DOCK8: variants seen among roughly 807,000 people sequenced by gnomAD.
The protein encoded by DOCK8 is dedicator of cytokinesis 8, also known as dedicator of cytokinesis protein 8.
In DOCK8, 141 loss-of-function variants were observed where a neutral mutation model predicts 245.6. That is an observed-to-expected ratio of 0.57 (90% CI 0.50 to 0.66). DOCK8 has a LOEUF of 0.66. Among genes scored for constraint, DOCK8 ranks in the 30% least tolerant of loss-of-function variants. The pLI is 0.00. For synonymous variants in DOCK8, 1,168 were observed against 970.2 expected, an observed-to-expected ratio of 1.20 and a Z score of -3.79; for missense variants, 2,965 against 2,603.4, an observed-to-expected ratio of 1.14 and a Z score of -3.02.
At chr9:363,808 G>A (rs2052846947) in intron 14 of DOCK8, among the ~76,000 whole-genome samples, 1 of 152,168 alleles carries the variant, frequency 6.6e-6, no homozygotes, top group African/African-American at 2.4e-5. Flanking sequence ...CCCTTTGGAA[G>A]CAACATGCAA....
intron 43 of DOCK8, 51 bp downstream of exon 43, chr9:443,567 C>T: frequency 7.0e-7 from 1 of 1,432,434 alleles, no homozygotes; most frequent in South Asian, 1.1e-5. Context: ...TCCCTTCGTT[C>T]TCTACCCAAG....
Position 408,861 on chromosome 9 carries a change from A to AACAC in DOCK8, c.3530+1815_3530+1818dup, listed in dbSNP as rs71314709. On this transcript the variant is annotated intron_variant, in intron 28 of 47. Transcript: ENST00000432829. ...TTTAATCAGGTAGATACATTCTTCA[A>AACAC]ACACACACACACACACACACACACA... Among the ~76,000 whole-genome samples, 449 of 147,522 alleles carry AACAC rather than the reference A, an allele frequency of 3.0e-3. 4 individuals are homozygous for AACAC. The highest frequency in any genetic ancestry group is 9.8e-3 in the Admixed American group (147 of 15,058).
intron 4 of DOCK8, among the ~76,000 whole-genome samples, chr9:299,733 C>T (rs2049443423): frequency 6.6e-6 from 1 of 151,808 alleles, no homozygotes; most frequent in African/African-American, 2.4e-5. Flanking sequence ...TGAAGATGGC[C>T]CATTATGGCC....
intron 23 of DOCK8, among the ~76,000 whole-genome samples, chr9:389,658 T>C (rs1235128690): frequency 1.3e-5 from 2 of 152,144 alleles, no homozygotes; most frequent in Non-Finnish European, 2.9e-5. Context: ...TCCCAGGCTA[T>C]TGAATCAGAA....
intron 23 of DOCK8, among the ~76,000 whole-genome samples, chr9:388,199 T>A (rs567244706): frequency 6.6e-6 from 1 of 152,186 alleles, no homozygotes; most frequent in Non-Finnish European, 1.5e-5. Context: ...AGTCCAGTTA[T>A]AATATGTGCA....
chr9:420,731 G>A, intron 31 of DOCK8, 148 bp downstream of exon 31: 1 of 1,247,120 alleles, frequency 8.0e-7, no homozygotes, highest in Non-Finnish European at 1.2e-6. Flanking sequence ...TGTAGGTATA[G>A]ATATGATCAT....
chr9:446,822 A>G (rs1564079200), intron 44 of DOCK8, among the ~76,000 whole-genome samples: 2 of 151,990 alleles, frequency 1.3e-5, no homozygotes, highest in Non-Finnish European at 1.5e-5. Flanking sequence ...AATATTTAAT[A>G]TTTTAAAGTT....
At chr9:441,538 T>C in intron 41 of DOCK8, 121 bp downstream of exon 41, 1 of 1,468,618 alleles carries the variant, frequency 6.8e-7, no homozygotes, top group Non-Finnish European at 9.3e-7. Flanking sequence ...GCTTTTGCTC[T>C]CACCTGTCAA....
intron 36 of DOCK8, 146 bp from the exon 37 acceptor site, chr9:432,020 C>T (rs2056731481): frequency 1.3e-6 from 1 of 786,590 alleles, no homozygotes; most frequent in Non-Finnish European, 2.1e-6. Flanking sequence ...AGTGTAGCTC[C>T]CATTTCATTG....
intron 14 of DOCK8, among the ~76,000 whole-genome samples, chr9:354,710 G>C (rs1438709271): frequency 6.6e-6 from 1 of 152,148 alleles, no homozygotes; most frequent in Non-Finnish European, 1.5e-5. Context: ...TTAGGCTGAG[G>C]GCGTCGGTTC....
At chr9:265,064 T>C (rs997004137) in intron 1 of DOCK8, among the ~76,000 whole-genome samples, 20 of 152,162 alleles carry the variant, frequency 1.3e-4, no homozygotes, top group Non-Finnish European at 2.5e-4. Flanking sequence ...CCCGAGTAGC[T>C]GGGATTACAT....
chr9:351,923 G>C (rs1395904507), intron 14 of DOCK8, among the ~76,000 whole-genome samples: 1 of 152,176 alleles, frequency 6.6e-6, no homozygotes, highest in Non-Finnish European at 1.5e-5. Flanking sequence ...GTGAGAATCA[G>C]GATTTGTCTA....
At chr9:409,187 G>T (rs1192914872) in intron 28 of DOCK8, among the ~76,000 whole-genome samples, 3 of 152,024 alleles carry the variant, frequency 2.0e-5, no homozygotes, top group Admixed American at 2.0e-4. Context: ...CCAGAAGGAC[G>T]CATCTCAGTA....
At chr9:358,553 A>G (rs900015239) in intron 14 of DOCK8, among the ~76,000 whole-genome samples, 1 of 152,238 alleles carries the variant, frequency 6.6e-6, no homozygotes, top group Admixed American at 6.5e-5. Context: ...CAGTTCCTTT[A>G]AAAATTACCT....
chr9:274,663 TA>T (rs1189310011), intron 2 of DOCK8, among the ~76,000 whole-genome samples: 2 of 128,660 alleles, frequency 1.6e-5, no homozygotes, highest in African/African-American at 2.9e-5. Flanking sequence ...CTTTTACCTT[TA>T]AAAAAAAATT....
At chr9:440,207 A>G (rs902181095) in intron 40 of DOCK8, among the ~76,000 whole-genome samples, 2 of 152,076 alleles carry the variant, frequency 1.3e-5, no homozygotes, top group Admixed American at 6.6e-5. Context: ...TTTAGAGGAG[A>G]CAGGATTTCA....
chr9:307,338 G>GTTTTTTTTTT (rs1165775428), intron 5 of DOCK8, among the ~76,000 whole-genome samples: 50 of 51,202 alleles, frequency 9.8e-4, no homozygotes, highest in African/African-American at 1.8e-3. Flanking sequence ...GGTTTTTTTT[G>GTTTTTTTTTT]TTTTTTTTTT....
intron 12 of DOCK8, among the ~76,000 whole-genome samples, chr9:337,959 G>A (rs929391456): frequency 6.6e-6 from 1 of 152,178 alleles, no homozygotes; most frequent in Non-Finnish European, 1.5e-5. Flanking sequence ...TTCAAGACCA[G>A]CCTGGCCAAC....
At position 332,379 on chromosome 9, in the gene DOCK8, A is replaced by G. The variant is rs1227091691; in HGVS notation, c.1045-19A>G. 10 of 1,562,454 alleles carry G rather than the reference A, an allele frequency of 6.4e-6. 1 individual carries two copies. Among genetic ancestry groups the G allele is most frequent in the South Asian group, 3.3e-5 (3 of 89,940 alleles). ...GATGTAATTTATGTGCCTTATTTTAATATTCTTTTTATTGGTAGATTGAAA... is the reference window on the plus strand; with the variant it reads ...GATGTAATTTATGTGCCTTATTTTAGTATTCTTTTTATTGGTAGATTGAAA... On this transcript the variant is annotated intron_variant, in intron 9 of 47. Transcript: ENST00000432829.
Sources: allele counts gnomAD v4.1 joint callset (sites outside exome capture counted in the v4.1 genomes callset), GRCh38; gene constraint gnomAD v4.1.1; transcripts MANE v1.5; gene names NCBI Gene and HGNC (gene_info 2026-07-23, HGNC 2026-07-21).